Variants in SNTG1 observed in about 807,000 individuals in gnomAD.
SNTG1 encodes the protein gamma-1-syntrophin.
SNTG1 carries 39 observed loss-of-function variants against 74.7 expected under a neutral mutation model. That is an observed-to-expected ratio of 0.52 (90% confidence interval 0.40 to 0.68). The LOEUF (loss-of-function observed/expected upper bound fraction) is 0.68, where lower values mean the gene tolerates loss of function less well. Ranked by LOEUF, SNTG1 falls within the 30% of genes least tolerant of loss-of-function variation. SNTG1 has a pLI of 0.00. For missense variants in SNTG1, 685 were observed against 609.5 expected (o/e 1.12, Z -1.30); for synonymous variants, 254 against 217.1 (o/e 1.17, Z -1.49).
chr8:50,157,766 G>C (rs1238402322), intron 1 of SNTG1, among the ~76,000 whole-genome samples: 1 of 152,084 alleles, frequency 6.6e-6, no homozygotes, highest in Non-Finnish European at 1.5e-5. Flanking sequence ...ATTGCTACTG[G>C]TGCTTTGTTT....
intron 2 of SNTG1, among the ~76,000 whole-genome samples, chr8:50,266,097 A>T (rs1169708667): frequency 6.6e-6 from 1 of 151,782 alleles, no homozygotes; most frequent in African/African-American, 2.4e-5. Context: ...GCTAATATTC[A>T]TGTGGAAATG....
At chr8:50,003,588 A>G (rs1814945447) in intron 1 of SNTG1, among the ~76,000 whole-genome samples, 1 of 152,208 alleles carries the variant, frequency 6.6e-6, no homozygotes, top group Non-Finnish European at 1.5e-5. Context: ...TTAATTAAAA[A>G]GCAAGATTAC....
At chr8:50,614,683 G>A (rs971640517) in intron 13 of SNTG1, among the ~76,000 whole-genome samples, 5 of 152,050 alleles carry the variant, frequency 3.3e-5, no homozygotes, top group African/African-American at 1.2e-4. Flanking sequence ...ACATTTAGAA[G>A]AATGGCTAAA....
intron 5 of SNTG1, among the ~76,000 whole-genome samples, chr8:50,445,885 G>C (rs549123232): frequency 6.6e-6 from 1 of 152,268 alleles, no homozygotes; most frequent in South Asian, 2.1e-4. Flanking sequence ...GTAAATCACA[G>C]GCATGATCCA....
intron 1 of SNTG1, among the ~76,000 whole-genome samples, chr8:50,106,416 G>A (rs368297324): frequency 6.6e-6 from 1 of 152,044 alleles, no homozygotes; most frequent in Admixed American, 6.6e-5. Context: ...ATTTGGGTGG[G>A]GACACAGAAC....
intron 2 of SNTG1, among the ~76,000 whole-genome samples, chr8:50,238,616 C>T (rs560728747): frequency 8.0e-4 from 121 of 152,086 alleles, no homozygotes; most frequent in African/African-American, 9.9e-4. Context: ...AAAAAGCAAC[C>T]GCAACATAAA....
intron 2 of SNTG1, among the ~76,000 whole-genome samples, chr8:50,250,371 A>G (rs2086594015): frequency 6.6e-6 from 1 of 152,154 alleles, no homozygotes; most frequent in Non-Finnish European, 1.5e-5. Context: ...CAAGTGCCAC[A>G]GAAAAAGAAA....
intron 2 of SNTG1, among the ~76,000 whole-genome samples, chr8:50,337,329 T>A (rs2091174130): frequency 6.6e-6 from 1 of 152,150 alleles, no homozygotes; most frequent in Admixed American, 6.5e-5. Context: ...CTATAACTGA[T>A]GAATTGGTGG....
chr8:50,669,729 A>T (rs1017089277), intron 15 of SNTG1, among the ~76,000 whole-genome samples: 2 of 152,180 alleles, frequency 1.3e-5, no homozygotes, highest in African/African-American at 4.8e-5. Context: ...CCTGGCAGAG[A>T]CACAACCAAA....
intron 2 of SNTG1, among the ~76,000 whole-genome samples, chr8:50,391,320 T>C (rs2092655929): frequency 6.6e-6 from 1 of 152,188 alleles, no homozygotes; most frequent in Non-Finnish European, 1.5e-5. Context: ...CTGCATTTAT[T>C]GAGATAATCA....
intron 13 of SNTG1, among the ~76,000 whole-genome samples, chr8:50,608,439 A>G (rs193054542): frequency 4.3e-4 from 66 of 151,898 alleles, no homozygotes; most frequent in East Asian, 4.2e-3. Context: ...CATTTGTGTC[A>G]TCATGAAATG....
chr8:49,993,383 G>A lies in SNTG1; in HGVS notation c.-103+81152G>A, dbSNP rs537080008. On this transcript the variant is annotated intron_variant, in intron 1 of 18. Coordinates refer to ENST00000642720, the MANE Select transcript of SNTG1 (RefSeq NM_018967.5). ...ATTTTTCTGAGGTTTTTTTTTTGTCGTCGTTGTTGTTTTATTTTCATTTTA... is the reference window on the plus strand; with the variant it reads ...ATTTTTCTGAGGTTTTTTTTTTGTCATCGTTGTTGTTTTATTTTCATTTTA... Among the ~76,000 whole-genome samples the A allele has an allele frequency of 1.7e-3, 243 of 143,642 alleles. 3 individuals carry two copies. The highest frequency in any genetic ancestry group is 5.7e-3 in the African/African-American group (219 of 38,564). 94.2% of individuals were successfully genotyped at this position (143,642 alleles called of 152,430 possible). A position where few individuals can be genotyped will look rare whatever the true frequency, so the allele number is the denominator to read the frequency against.
chr8:50,554,352 C>T (rs1449996288), intron 12 of SNTG1, among the ~76,000 whole-genome samples: 1 of 151,996 alleles, frequency 6.6e-6, no homozygotes, highest in Non-Finnish European at 1.5e-5. Context: ...TGCAATTTAC[C>T]CCTCACTCTT....
rs568997726 is a variant in SNTG1 at position 49,949,320 on chromosome 8, T to A, written c.-103+37089T>A. 2.0e-3 allele frequency among the ~76,000 whole-genome samples: 312 copies of A among 152,292 alleles called. 1 individual carries two copies. The highest frequency in any genetic ancestry group is 2.6e-3 in the Non-Finnish European group (178 of 68,028). ...GCTAGCAAACTATTCTATTTTATTT[T>A]AAAAAAATAATTTACAGCTTAATTG... On this transcript the variant is annotated intron_variant, in intron 1 of 18. Coordinates refer to ENST00000642720, the MANE Select transcript of SNTG1 (RefSeq NM_018967.5).
At chr8:50,174,427 T>C (rs897271082) in intron 2 of SNTG1, among the ~76,000 whole-genome samples, 15 of 152,224 alleles carry the variant, frequency 9.9e-5, no homozygotes, top group African/African-American at 2.7e-4. Flanking sequence ...TTTTCCACAA[T>C]GGTTGAACTA....
At chr8:50,645,472 A>T (rs936401903) in intron 13 of SNTG1, among the ~76,000 whole-genome samples, 4 of 151,626 alleles carry the variant, frequency 2.6e-5, no homozygotes, top group African/African-American at 9.7e-5. Context: ...TCTCTTGTCC[A>T]TTTTATCCTC....
At chr8:50,601,548 A>G (rs1012679183) in intron 13 of SNTG1, among the ~76,000 whole-genome samples, 3 of 152,162 alleles carry the variant, frequency 2.0e-5, no homozygotes, top group Non-Finnish European at 4.4e-5. Context: ...GACATATGGT[A>G]TCTCCTTTAG....
intron 2 of SNTG1, among the ~76,000 whole-genome samples, chr8:50,278,962 T>C (rs2088277706): frequency 6.6e-6 from 1 of 152,158 alleles, no homozygotes; most frequent in African/African-American, 2.4e-5. Flanking sequence ...GATATTGTCA[T>C]TGTTACAAAG....
intron 2 of SNTG1, among the ~76,000 whole-genome samples, chr8:50,229,125 A>G (rs2132048360): frequency 6.6e-6 from 1 of 151,686 alleles, no homozygotes; most frequent in South Asian, 2.1e-4. Context: ...CTATTTCTAA[A>G]AATGTATGGT....
Sources: allele counts gnomAD v4.1 joint callset (sites outside exome capture counted in the v4.1 genomes callset), GRCh38; gene constraint gnomAD v4.1.1; transcripts MANE v1.5; gene names NCBI Gene and HGNC (gene_info 2026-07-23, HGNC 2026-07-21).